The following DENND1B variants were observed in gnomAD, a reference collection of about 807,000 sequenced individuals.
DENND1B encodes the protein DENN domain containing 1B.
DENND1B carries 59 observed loss-of-function variants against 90.1 expected under a neutral mutation model. The ratio of observed to expected loss-of-function variants is 0.65; its 90% CI spans 0.53 to 0.81. DENND1B has a LOEUF of 0.81. DENND1B is among the 40% of genes least tolerant of loss of function. The pLI, the probability that DENND1B is intolerant of heterozygous loss-of-function variation, is 0.00. For missense variants in DENND1B, 862 were observed against 912.6 expected, an observed-to-expected ratio of 0.94 and a Z score of 0.71; for synonymous variants, 337 against 324.6, an observed-to-expected ratio of 1.04 and a Z score of -0.41.
At chr1:197,635,943 AG>A (rs1244786764) in intron 10 of DENND1B, among the ~76,000 whole-genome samples, 1 of 151,986 alleles carries the variant, frequency 6.6e-6, no homozygotes, top group Non-Finnish European at 1.5e-5. Context: ...CCTAAGAGAC[AG>A]ATACATTGTA....
intron 2 of DENND1B, chr1:197,746,870 T>C (rs1343407420): frequency 4.3e-6 from 7 of 1,612,170 alleles, no homozygotes; most frequent in Admixed American, 3.3e-5. Flanking sequence ...TTTTACAAAG[T>C]TGTGGCAGGC....
intron 3 of DENND1B, among the ~76,000 whole-genome samples, chr1:197,707,452 G>C (rs1659663879): frequency 6.6e-6 from 1 of 151,542 alleles, no homozygotes; most frequent in African/African-American, 2.4e-5. Context: ...AATGATAAAA[G>C]TTTGAGGTGA....
chr1:197,631,470 A>T (rs1679320481), intron 10 of DENND1B, among the ~76,000 whole-genome samples: 1 of 152,052 alleles, frequency 6.6e-6, no homozygotes, highest in African/African-American at 2.4e-5. Context: ...ATATGAACAC[A>T]TTACTACCAT....
chr1:197,764,827 C>T (rs916043706), intron 2 of DENND1B, among the ~76,000 whole-genome samples: 3 of 152,224 alleles, frequency 2.0e-5, no homozygotes, highest in South Asian at 2.1e-4. Flanking sequence ...TAAGTAACAC[C>T]GGTGTACTTA....
At chr1:197,676,708 G>A (rs772423440) in intron 3 of DENND1B, among the ~76,000 whole-genome samples, 4 of 152,074 alleles carry the variant, frequency 2.6e-5, no homozygotes, top group African/African-American at 9.7e-5. Flanking sequence ...ATTATGAACA[G>A]CAAAATGAAA....
chr1:197,599,014 C>A (rs940879419), intron 13 of DENND1B, among the ~76,000 whole-genome samples: 2 of 151,748 alleles, frequency 1.3e-5, no homozygotes, highest in African/African-American at 4.8e-5. Context: ...AGAATTATAA[C>A]CTGGATTTTA....
At chr1:197,542,427 T>G (rs1228157999) in intron 18 of DENND1B, among the ~76,000 whole-genome samples, 1 of 152,176 alleles carries the variant, frequency 6.6e-6, no homozygotes, top group African/African-American at 2.4e-5. Flanking sequence ...ATGTTCAAAG[T>G]GCAGAGCAAA....
intron 2 of DENND1B, among the ~76,000 whole-genome samples, chr1:197,728,478 C>T (rs144122129): frequency 6.5e-4 from 99 of 152,270 alleles, no homozygotes; most frequent in African/African-American, 2.3e-3. Context: ...TGACTAGTGT[C>T]CAACACTGAA....
At chr1:197,634,153 T>C (rs1679572067) in intron 10 of DENND1B, among the ~76,000 whole-genome samples, 1 of 152,204 alleles carries the variant, frequency 6.6e-6, no homozygotes, top group African/African-American at 2.4e-5. Context: ...GGGTGCTCCG[T>C]CTCAGCCCTA....
chr1:197,596,008 A>T (rs1675652530), intron 13 of DENND1B, among the ~76,000 whole-genome samples: 1 of 152,062 alleles, frequency 6.6e-6, no homozygotes, highest in Non-Finnish European at 1.5e-5. Flanking sequence ...CTTACTATGT[A>T]GCCAATAAGT....
intron 20 of DENND1B, among the ~76,000 whole-genome samples, chr1:197,530,774 C>CA (rs1229859169): frequency 6.6e-6 from 1 of 152,086 alleles, no homozygotes; most frequent in Non-Finnish European, 1.5e-5. Flanking sequence ...ATTTTATATA[C>CA]ATTATCTATA....
intron 18 of DENND1B, among the ~76,000 whole-genome samples, chr1:197,544,819 GGAGGAAGAA>G (rs1400551377): frequency 3.6e-5 from 5 of 139,770 alleles, no homozygotes; most frequent in Non-Finnish European, 6.1e-5. Flanking sequence ...AAGAGGAAGA[GGAGGAAGAA>G]GAGGAAGAGG....
At position 197,511,939 on chromosome 1, in the gene DENND1B, GAT is replaced by G. The variant is rs766488006; in HGVS notation, c.1602_1603del (p.Leu534PhefsTer3). 1 of 1,600,478 alleles carries G rather than the reference GAT, an allele frequency of 6.2e-7. No homozygotes were observed. ...AGAAGCTTCTTCACCATCTTCAGAA[GAT>G]AACCTGAAGAAAAATAAAACACGCA... On this transcript the variant is annotated frameshift_variant, in exon 22 of 23. Transcript: ENST00000620048. LOFTEE classifies it high-confidence loss of function.
At chr1:197,645,079 T>C (rs1227491910) in intron 9 of DENND1B, among the ~76,000 whole-genome samples, 5 of 152,036 alleles carry the variant, frequency 3.3e-5, no homozygotes, top group Non-Finnish European at 7.4e-5. Context: ...TAATAACTAT[T>C]AAAATACTGA....
intron 3 of DENND1B, chr1:197,690,742 T>A (rs1657775684): frequency 6.6e-6 from 1 of 152,512 alleles, no homozygotes; most frequent in African/African-American, 2.4e-5. Context: ...AAAAACTGAT[T>A]AATGATAGCA....
chr1:197,658,883 T>A (rs1654119356), intron 5 of DENND1B, among the ~76,000 whole-genome samples: 1 of 150,906 alleles, frequency 6.6e-6, no homozygotes, highest in African/African-American at 2.4e-5. Context: ...TTATAAAAAA[T>A]TTTAAATGAC....
chr1:197,570,223 T>C (rs926908266), intron 15 of DENND1B, among the ~76,000 whole-genome samples: 2 of 139,310 alleles, frequency 1.4e-5, no homozygotes, highest in Admixed American at 7.3e-5. Flanking sequence ...CAAGATCCCA[T>C]ATCTCCAAAA....
At chr1:197,549,928 C>A (rs1345209118) in intron 16 of DENND1B, among the ~76,000 whole-genome samples, 1 of 152,128 alleles carries the variant, frequency 6.6e-6, no homozygotes, top group African/African-American at 2.4e-5. Context: ...TGTTCCTTAT[C>A]TGATTGTCCT....
intron 10 of DENND1B, among the ~76,000 whole-genome samples, chr1:197,619,807 G>T (rs1011243583): frequency 1.3e-5 from 2 of 151,138 alleles, no homozygotes; most frequent in African/African-American, 4.8e-5. Flanking sequence ...CTTAGAGGAT[G>T]GTTTCTGTAA....
Sources: gnomAD v4.1 joint callset for allele counts (sites outside exome capture counted in the v4.1 genomes callset) on GRCh38, gnomAD v4.1.1 for gene constraint, MANE v1.5 for transcripts, NCBI Gene and HGNC (gene_info 2026-07-23, HGNC 2026-07-21) for gene names.